The following DUSP15 variants were observed in gnomAD, a reference collection of about 807,000 sequenced individuals.
The protein encoded by DUSP15 is dual specificity phosphatase 15.
Under a neutral mutation model 26.3 loss-of-function variants are expected in DUSP15, and 23 were observed. That is an observed-to-expected ratio of 0.87 (90% CI 0.63 to 1.24). DUSP15 has a LOEUF of 1.24. DUSP15 is among the 50% of genes most tolerant of loss of function. The probability of loss-of-function intolerance (pLI) is 0.00; values close to 1 mark genes in which losing one functional copy is unlikely to be tolerated. For missense variants in DUSP15, 364 were observed against 320.6 expected (o/e 1.14, Z -1.03); for synonymous variants, 143 against 135.5 (o/e 1.06, Z -0.39).
intron 7 of DUSP15, chr20:31,849,988 C>T (rs1173513608): frequency 2.2e-6 from 3 of 1,340,370 alleles, no homozygotes; most frequent in Non-Finnish European, 2.9e-6. Context: ...GCCTCTACCT[C>T]GGAAATTTTG....
intron 6 of DUSP15, among the ~76,000 whole-genome samples, chr20:31,855,140 A>T (rs1462817721): frequency 1.3e-5 from 2 of 151,844 alleles, no homozygotes; most frequent in Non-Finnish European, 2.9e-5. Context: ...AATCACCAAC[A>T]AAAAAGCACA....
intron 1 of DUSP15, chr20:31,869,816 A>T (rs971997011): frequency 3.5e-6 from 5 of 1,433,630 alleles, no homozygotes; most frequent in Non-Finnish European, 4.6e-6. Flanking sequence ...CAACCGAGGG[A>T]ACCAAGGGAG....
chr20:31,848,252 T>G, exon 10 of DUSP15: 1 of 772,766 alleles, frequency 1.3e-6, no homozygotes, highest in Non-Finnish European at 1.9e-6. Flanking sequence ...TACTCTCGAG[T>G]TCCGGGGCCC....
rs1279268016 is a variant in DUSP15, at chr20:31,870,502, G to T, written c.-165C>A. On this transcript the variant is annotated 5_prime_UTR_variant, in exon 1 of 7. Transcript: ENST00000339738. The surrounding 1 kb of genome is among the most constrained non-coding windows in gnomAD (Gnocchi z 6.6). ...CCCTGCCCAGCCACCGCCACCGCCC[G>T]CCGACCCCCGGCCCGGGAGGGAAAT... The T allele has an allele frequency of 6.4e-6, 9 of 1,398,064 alleles. No individual in the cohort carries two copies. The highest frequency in any genetic ancestry group is 1.5e-5 in the African/African-American group (1 of 66,906). The allele number at this position is 1,398,064 out of a possible 1,614,324, so 86.6% of individuals were successfully genotyped here. A position where few individuals can be genotyped will look rare whatever the true frequency, so the allele number is the denominator to read the frequency against.
chr20:31,867,835 C>T (rs904849895), intron 2 of DUSP15, among the ~76,000 whole-genome samples: 4 of 151,906 alleles, frequency 2.6e-5, no homozygotes, highest in African/African-American at 9.7e-5. Flanking sequence ...TTAGTAGAGA[C>T]GGGGTTTCAC....
chr20:31,856,385 G>T (rs1372165626), downstream of DUSP15, among the ~76,000 whole-genome samples: 1 of 152,032 alleles, frequency 6.6e-6, no homozygotes, highest in East Asian at 1.9e-4. Flanking sequence ...TTCTGATAGG[G>T]GAGGGTCGAG....
At chr20:31,868,516 G>A (rs2062824710) in intron 2 of DUSP15, among the ~76,000 whole-genome samples, 2 of 112,562 alleles carry the variant, frequency 1.8e-5, no homozygotes, top group African/African-American at 3.5e-5. Flanking sequence ...GTCTCGCTCT[G>A]TTGCCCAGAC....
chr20:31,852,109 G>A (rs1408444702), intron 6 of DUSP15, among the ~76,000 whole-genome samples: 1 of 151,260 alleles, frequency 6.6e-6, no homozygotes, highest in Admixed American at 6.6e-5. Context: ...CTGGGTTCAA[G>A]TGATTCTCCC....
chr20:31,846,466 GA>G (rs879437387), downstream of DUSP15, among the ~76,000 whole-genome samples: 41,330 of 150,274 alleles, frequency 0.28, 6,779 homozygotes, highest in African/African-American at 0.44. Flanking sequence ...GAGAGAGAGA[GA>G]GAGAGAGAGG....
intron 6 of DUSP15, among the ~76,000 whole-genome samples, chr20:31,852,773 T>C (rs969722501): frequency 1.3e-5 from 2 of 152,128 alleles, no homozygotes; most frequent in African/African-American, 4.8e-5. Flanking sequence ...ATCTCGCCAT[T>C]GCACTCCAGC....
At chr20:31,857,707 T>A (rs1414949186), downstream of DUSP15, among the ~76,000 whole-genome samples, 1 of 152,176 alleles carries the variant, frequency 6.6e-6, no homozygotes, top group Non-Finnish European at 1.5e-5. Flanking sequence ...CCTGGCATGC[T>A]CCCACCATCC....
At chr20:31,855,961 G>C (rs1484032554) in intron 6 of DUSP15, among the ~76,000 whole-genome samples, 1 of 152,192 alleles carries the variant, frequency 6.6e-6, no homozygotes, top group East Asian at 1.9e-4. Context: ...TATTTCCATA[G>C]GTTTTGGGGA....
chr20:31,863,189 G>A (rs1333199328), intron 5 of DUSP15, among the ~76,000 whole-genome samples: 3 of 152,306 alleles, frequency 2.0e-5, no homozygotes, highest in East Asian at 3.9e-4. Flanking sequence ...ATCTATAGGT[G>A]GGGTGGGGTT....
At chr20:31,868,510 C>T (rs1273727513) in intron 2 of DUSP15, among the ~76,000 whole-genome samples, 6 of 135,114 alleles carry the variant, frequency 4.4e-5, no homozygotes, top group East Asian at 2.2e-4. Flanking sequence ...GACAGAGTCT[C>T]GCTCTGTTGC....
chr20:31,856,360 G>T (rs998648812), downstream of DUSP15, among the ~76,000 whole-genome samples: 8 of 152,118 alleles, frequency 5.3e-5, no homozygotes, highest in African/African-American at 1.4e-4. Flanking sequence ...ATGGCAATGG[G>T]GAGCTATGGA....
chr20:31,867,867 G>C (rs6121250), intron 2 of DUSP15, among the ~76,000 whole-genome samples: 1,657 of 152,066 alleles, frequency 0.011, 24 homozygotes, highest in African/African-American at 0.037. Context: ...GGATGGTCTC[G>C]ATCTCCTGAC....
intron 2 of DUSP15, among the ~76,000 whole-genome samples, chr20:31,869,060 GC>G (rs2062844299): frequency 6.6e-6 from 1 of 152,160 alleles, no homozygotes; most frequent in Non-Finnish European, 1.5e-5. Flanking sequence ...AGAAGGCCCA[GC>G]CCATCTCCAG....
At chr20:31,865,114 G>T in intron 3 of DUSP15, 112 bp from the exon 4 acceptor site, 1 of 1,140,182 alleles carries the variant, frequency 8.8e-7, no homozygotes, top group Non-Finnish European at 1.3e-6. Flanking sequence ...CCCTTCTCTG[G>T]CCCACTGTGG....
In DUSP15 at chr20:31,861,671, C is replaced by G; in HGVS notation, c.440G>C (p.Arg147Pro). 3.9e-6 allele frequency: 5 copies of G among 1,278,002 alleles called. No homozygotes were observed. The highest frequency in any genetic ancestry group is 5.0e-6 in the Non-Finnish European group (5 of 991,836). The allele number at this position is 1,278,002 out of a possible 1,614,324, so 79.2% of individuals were successfully genotyped here. The stretch of plus-strand genomic sequence containing the variant: ...GCCGAAGCGCTCCTCCAGCTGCCGG[C>G]GAAGCTGGGGTGGGCGGGTGAGGTG... ...EFGWASSQKL[R>P]RQLEERFGES... The change falls in exon 7 of 7, where the codon CGC (arginine) becomes CCC (proline). Residue 147 changes from arginine to proline, a missense_variant. Arg to Pro is a moderately radical substitution (Grantham distance 103). Coordinates refer to ENST00000339738, the MANE Select transcript of DUSP15 (RefSeq NM_080611.5).
Sources: allele counts gnomAD v4.1 joint callset (sites outside exome capture counted in the v4.1 genomes callset), GRCh38; gene constraint gnomAD v4.1.1; non-coding constraint Gnocchi (gnomAD v3.1); transcripts MANE v1.5; gene names NCBI Gene and HGNC (gene_info 2026-07-23, HGNC 2026-07-21).